Variants in SOX5 observed in about 807,000 individuals in gnomAD.
SOX5 encodes the protein transcription factor SOX-5.
Under a neutral mutation model 92.0 loss-of-function variants are expected in SOX5, and 9 were observed. The observed-to-expected ratio is 0.10, with a 90% CI of 0.06 to 0.17. The LOEUF (loss-of-function observed/expected upper bound fraction) is 0.17, where lower values mean the gene tolerates loss of function less well. Among genes scored for constraint, SOX5 ranks in the 10% least tolerant of loss-of-function variants. SOX5 has a pLI of 1.00. For synonymous variants in SOX5, 344 were observed against 336.3 expected, an observed-to-expected ratio of 1.02 and a Z score of -0.25; for missense variants, 642 against 944.5, an observed-to-expected ratio of 0.68 and a Z score of 4.20.
chr12:23,775,832 A>C (rs2095079631), intron 3 of SOX5, among the ~76,000 whole-genome samples: 1 of 152,038 alleles, frequency 6.6e-6, no homozygotes, highest in African/African-American at 2.4e-5. Flanking sequence ...TTCATATCTT[A>C]ACTCATATTT....
intron 9 of SOX5, 82 bp downstream of exon 9, chr12:23,604,305 G>A: frequency 6.8e-7 from 1 of 1,463,238 alleles, no homozygotes; most frequent in African/African-American, 1.4e-5. Context: ...GCTAGCTGCT[G>A]GCATACAATA....
intron 3 of SOX5, among the ~76,000 whole-genome samples, chr12:23,779,283 G>A (rs796383531): frequency 1.1e-4 from 17 of 151,524 alleles, no homozygotes; most frequent in African/African-American, 4.1e-4. Context: ...TTGCAAAAAA[G>A]GGGAGATTAC....
At chr12:23,552,631 A>T (rs1477048976) in intron 11 of SOX5, among the ~76,000 whole-genome samples, 1 of 151,976 alleles carries the variant, frequency 6.6e-6, no homozygotes, top group Non-Finnish European at 1.5e-5. Context: ...TAGTCAGGAG[A>T]TAGAACACTG....
intron 2 of SOX5, among the ~76,000 whole-genome samples, chr12:24,358,742 C>T (rs1485553910): frequency 2.0e-5 from 3 of 152,214 alleles, no homozygotes; most frequent in East Asian, 1.9e-4. Context: ...AAGCATAGGT[C>T]ATTAATCAAA....
At chr12:24,420,239 A>G (rs1380809218) in intron 1 of SOX5, among the ~76,000 whole-genome samples, 2 of 152,350 alleles carry the variant, frequency 1.3e-5, no homozygotes, top group Non-Finnish European at 1.5e-5. Context: ...AGACAAAACC[A>G]CTGACAATGA....
chr12:24,448,376 A>AAAAAATAT (rs537946965), intron 1 of SOX5, among the ~76,000 whole-genome samples: 35 of 152,300 alleles, frequency 2.3e-4, no homozygotes, highest in African/African-American at 8.4e-4. Flanking sequence ...CTACTGCTGA[A>AAAAAATAT]AAAAATATCC....
intron 4 of SOX5, among the ~76,000 whole-genome samples, chr12:24,129,640 C>T (rs1294074325): frequency 6.6e-6 from 1 of 152,142 alleles, no homozygotes. Context: ...CTGAGTTCAG[C>T]CTGAGCCTCA....
chr12:23,892,671 A>C (rs1324680806), intron 2 of SOX5, among the ~76,000 whole-genome samples: 1 of 152,218 alleles, frequency 6.6e-6, no homozygotes, highest in East Asian at 1.9e-4. Flanking sequence ...GGAATCAAGA[A>C]ACATATGCAG....
At chr12:24,207,784 T>C (rs981462144) in intron 4 of SOX5, among the ~76,000 whole-genome samples, 8 of 152,206 alleles carry the variant, frequency 5.3e-5, no homozygotes, top group Admixed American at 1.3e-4. Context: ...TCAGTCTAGA[T>C]TGCCCTTCTT....
chr12:23,883,675 A>T (rs2097026065), intron 2 of SOX5, among the ~76,000 whole-genome samples: 1 of 152,204 alleles, frequency 6.6e-6, no homozygotes, highest in African/African-American at 2.4e-5. Context: ...GAACCCAAGC[A>T]GTTTAAGGGT....
intron 1 of SOX5, among the ~76,000 whole-genome samples, chr12:24,384,807 T>C (rs11047408): frequency 0.26 from 40,195 of 151,980 alleles, 5,712 homozygotes; most frequent in East Asian, 0.46. Context: ...AATGAAGATT[T>C]CAGCAAGGGA....
At chr12:24,056,974 C>CAAAAAAAAAAAAAAA (rs60085412) in intron 4 of SOX5, among the ~76,000 whole-genome samples, 2,611 of 35,414 alleles carry the variant, frequency 0.074, 177 homozygotes, top group Non-Finnish European at 0.12. Flanking sequence ...GACTCCGTCT[C>CAAAAAAAAAAAAAAA]AAAAAAAAAA....
intron 3 of SOX5, among the ~76,000 whole-genome samples, chr12:24,229,009 C>T (rs1217204031): frequency 6.6e-6 from 1 of 152,162 alleles, no homozygotes; most frequent in African/African-American, 2.4e-5. Context: ...GTGGTTCTCC[C>T]CCAACCCCAA....
chr12:24,373,247 T>A (rs1405448175), intron 1 of SOX5, among the ~76,000 whole-genome samples: 1 of 152,232 alleles, frequency 6.6e-6, no homozygotes, highest in Non-Finnish European at 1.5e-5. Context: ...TTAGAATATG[T>A]TCCTATAGTT....
chr12:23,907,842 C>T (rs1023750837), intron 1 of SOX5, among the ~76,000 whole-genome samples: 4 of 152,062 alleles, frequency 2.6e-5, no homozygotes, highest in Non-Finnish European at 4.4e-5. Context: ...GTTTTAATGA[C>T]TTGGTCATTT....
At chr12:24,377,251 A>G (rs1957376795) in intron 1 of SOX5, among the ~76,000 whole-genome samples, 2 of 152,188 alleles carry the variant, frequency 1.3e-5, no homozygotes, top group Non-Finnish European at 2.9e-5. Context: ...CTTTTATTAT[A>G]TTCATTTTAT....
At chr12:24,312,180 A>G (rs1003287647) in intron 2 of SOX5, among the ~76,000 whole-genome samples, 1 of 152,208 alleles carries the variant, frequency 6.6e-6, no homozygotes, top group Non-Finnish European at 1.5e-5. Flanking sequence ...CTCAATGTAA[A>G]GTAATATGTG....
intron 1 of SOX5, among the ~76,000 whole-genome samples, chr12:24,554,113 A>G (rs1953506271): frequency 6.6e-6 from 1 of 152,212 alleles, no homozygotes; most frequent in Non-Finnish European, 1.5e-5. Flanking sequence ...CAGGAATATC[A>G]AGCATCACAA....
chr12:24,397,981 C>T (rs1004234476), intron 1 of SOX5, among the ~76,000 whole-genome samples: 2 of 152,060 alleles, frequency 1.3e-5, no homozygotes, highest in Admixed American at 1.3e-4. Context: ...TCCCAAGTAG[C>T]TGGGACTACA....
Sources: allele counts gnomAD v4.1 joint callset (sites outside exome capture counted in the v4.1 genomes callset), GRCh38; gene constraint gnomAD v4.1.1; transcripts MANE v1.5; gene names NCBI Gene and HGNC (gene_info 2026-07-23, HGNC 2026-07-21).